STRADA: variants seen among roughly 807,000 people sequenced by gnomAD.
The protein encoded by STRADA is STE20 related adaptor alpha.
In STRADA, 26 loss-of-function variants were observed where a neutral mutation model predicts 55.0. The observed-to-expected ratio is 0.47, with a 90% CI of 0.35 to 0.66. The LOEUF is 0.66. Among genes scored for constraint, STRADA ranks in the 30% least tolerant of loss-of-function variants. The pLI, the probability that STRADA is intolerant of heterozygous loss-of-function variation, is 0.01. For missense variants in STRADA, 443 were observed against 549.7 expected (o/e 0.81, Z 1.94); for synonymous variants, 197 against 210.9 (o/e 0.93, Z 0.57).
intron 1 of STRADA, among the ~76,000 whole-genome samples, chr17:63,731,338 C>T (rs931975713): frequency 4.7e-5 from 7 of 147,688 alleles, no homozygotes; most frequent in African/African-American, 1.8e-4. Flanking sequence ...TCTCAGCTCA[C>T]TGCAACCTCC....
At chr17:63,714,860 C>A (rs1277390392) in intron 4 of STRADA, among the ~76,000 whole-genome samples, 2 of 152,244 alleles carry the variant, frequency 1.3e-5, no homozygotes, top group East Asian at 1.9e-4. Context: ...GCAAAACACA[C>A]GGCAGACCAA....
chr17:63,707,826 G>A (rs993247973), intron 8 of STRADA, among the ~76,000 whole-genome samples: 2 of 151,708 alleles, frequency 1.3e-5, no homozygotes, highest in South Asian at 2.1e-4. Flanking sequence ...CGCCTCCCGG[G>A]TTCACACCAT....
At chr17:63,704,609 G>T in intron 10 of STRADA, 27 bp from the exon 11 acceptor site, 1 of 1,359,420 alleles carries the variant, frequency 7.4e-7, no homozygotes. Flanking sequence ...CAGGACCTGG[G>T]CTGTAGCGGG....
chr17:63,716,522 T>C (rs1353329352), intron 4 of STRADA, among the ~76,000 whole-genome samples: 5 of 152,220 alleles, frequency 3.3e-5, no homozygotes, highest in Admixed American at 2.0e-4. Context: ...TCTTTTCATA[T>C]ATTTATCAGT....
At chr17:63,706,509 C>T in intron 10 of STRADA, 126 bp downstream of exon 10, 2 of 720,730 alleles carry the variant, frequency 2.8e-6, no homozygotes, top group Admixed American at 4.9e-5. Flanking sequence ...GGTGGGACTT[C>T]TTGAAGGAAA....
At chr17:63,711,915 A>G (rs1180403846) in intron 6 of STRADA, among the ~76,000 whole-genome samples, 1 of 152,112 alleles carries the variant, frequency 6.6e-6, no homozygotes, top group Non-Finnish European at 1.5e-5. Context: ...AGCCTGAGCA[A>G]CAGAGCCAGA....
intron 1 of STRADA, among the ~76,000 whole-genome samples, chr17:63,739,010 G>T (rs372044359): frequency 1.1e-4 from 16 of 151,460 alleles, no homozygotes; most frequent in Non-Finnish European, 1.2e-4. Context: ...AAAATTAGCC[G>T]GGTATGGTGG....
rs1345363335 is a variant in STRADA, at chr17:63,740,159, C to T, written c.-45+1582G>A. The stretch of plus-strand genomic sequence containing the variant: ...ACATATATATATATACACACACACA[C>T]ACACACACACACACACACACACACA... On this transcript the variant is annotated intron_variant, in intron 1 of 12. Transcript: ENST00000336174. Among the ~76,000 whole-genome samples the T allele has an allele frequency of 5.0e-4, 59 of 117,504 alleles. 1 individual carries two copies. The highest frequency in any genetic ancestry group is 1.2e-3 in the Admixed American group (13 of 10,950). The allele number at this position is 117,504 out of a possible 152,430, so 77.1% of individuals were successfully genotyped here.
chr17:63,704,296 C>A, intron 11 of STRADA, 45 bp downstream of exon 11: 1 of 1,605,934 alleles, frequency 6.2e-7, no homozygotes. Flanking sequence ...CCCTCCTGAG[C>A]ACCCTCTGCT....
rs193287921 is a variant in STRADA, at chr17:63,739,275, T to C, written c.-45+2466A>G. Among the ~76,000 whole-genome samples, 33 of 152,100 alleles carry C rather than the reference T, an allele frequency of 2.2e-4. 1 individual carries two copies. The East Asian group carries it at 6.4e-3, about 29-fold the overall frequency. On this transcript the variant is annotated intron_variant, in intron 1 of 12. Coordinates refer to ENST00000336174, the MANE Select transcript of STRADA (RefSeq NM_001003787.4). ...CACACAGGTATTTTCTTTGATAAAA[T>C]CTTACTAATAAATTTCATCTGAGCT... is the stretch of plus-strand genomic sequence containing the variant.
At chr17:63,716,081 C>T (rs1005580343) in intron 4 of STRADA, among the ~76,000 whole-genome samples, 8 of 151,380 alleles carry the variant, frequency 5.3e-5, no homozygotes, top group African/African-American at 1.9e-4. Flanking sequence ...ACACTCCCAC[C>T]AGCAACGTAC....
chr17:63,710,113 C>T (rs1033581219), intron 8 of STRADA, among the ~76,000 whole-genome samples: 12 of 150,814 alleles, frequency 8.0e-5, no homozygotes, highest in African/African-American at 2.9e-4. Flanking sequence ...CCAGTCACTG[C>T]AACCTCCGCC....
At chr17:63,712,479 G>T (rs2036564844) in intron 6 of STRADA, 2 of 152,236 alleles carry the variant, frequency 1.3e-5, no homozygotes, top group African/African-American at 4.8e-5. Flanking sequence ...TTGGGAGACT[G>T]AGGTGAGTTG....
At chr17:63,736,926 T>A (rs544671319) in intron 1 of STRADA, among the ~76,000 whole-genome samples, 2 of 138,682 alleles carry the variant, frequency 1.4e-5, no homozygotes, top group Admixed American at 1.7e-4. Context: ...AAAGTCCGAA[T>A]TTGAAACAAA....
In STRADA at chr17:63,740,135, C is replaced by CAT. The variant is rs1228869564; in HGVS notation, c.-45+1604_-45+1605dup. 1.9e-3 allele frequency among the ~76,000 whole-genome samples: 103 copies of CAT among 54,214 alleles called. 14 individuals are homozygous for CAT. Among genetic ancestry groups the CAT allele is most frequent in the African/African-American group, 6.6e-3 (83 of 12,498 alleles). 35.6% of individuals were successfully genotyped at this position (54,214 alleles called of 152,430 possible). A position where few individuals can be genotyped will look rare whatever the true frequency, so the allele number is the denominator to read the frequency against. On this transcript the variant is annotated intron_variant, in intron 1 of 12. Transcript: ENST00000336174. Reference sequence around the variant, plus strand: ...ATACATACATATATATATACACATACATATATATATATACACACACACACA... The same window carrying CAT: ...ATACATACATATATATATACACATACATATATATATATATACACACACACACA...
intron 1 of STRADA, among the ~76,000 whole-genome samples, chr17:63,740,468 C>A (rs748910210): frequency 4.6e-5 from 7 of 151,902 alleles, no homozygotes; most frequent in Non-Finnish European, 7.4e-5. Flanking sequence ...GCGGAGATCG[C>A]GCCATTGCAT....
At chr17:63,728,941 CATT>C (rs139149267) in intron 1 of STRADA, among the ~76,000 whole-genome samples, 47,057 of 150,826 alleles carry the variant, frequency 0.31, 8,154 homozygotes, top group South Asian at 0.58. Flanking sequence ...AGAAATTTGT[CATT>C]ATATGGTTTT....
At chr17:63,731,933 C>T (rs1426795308) in intron 1 of STRADA, among the ~76,000 whole-genome samples, 5 of 152,246 alleles carry the variant, frequency 3.3e-5, no homozygotes, top group Admixed American at 6.5e-5. Context: ...GGCACAATCT[C>T]GGTTCACAGC....
At chr17:63,731,348 C>T (rs368675111) in intron 1 of STRADA, among the ~76,000 whole-genome samples, 3 of 151,298 alleles carry the variant, frequency 2.0e-5, no homozygotes, top group East Asian at 1.9e-4. Flanking sequence ...CTGCAACCTC[C>T]GCCTCCTGGG....
Sources: allele counts gnomAD v4.1 joint callset (sites outside exome capture counted in the v4.1 genomes callset), GRCh38; gene constraint gnomAD v4.1.1; transcripts MANE v1.5; gene names NCBI Gene and HGNC (gene_info 2026-07-23, HGNC 2026-07-21).